SLC7A14: variants seen among roughly 807,000 people sequenced by gnomAD.
The protein encoded by SLC7A14 is gamma-aminobutyric acid transporter SLC7A14.
Under a neutral mutation model 60.2 loss-of-function variants are expected in SLC7A14, and 37 were observed. The observed-to-expected ratio is 0.61, with a 90% CI of 0.47 to 0.81. SLC7A14 has a LOEUF of 0.81. Ranked by LOEUF, SLC7A14 falls within the 30% of genes least tolerant of loss-of-function variation. The pLI, the probability that SLC7A14 is intolerant of heterozygous loss-of-function variation, is 0.00. For missense variants in SLC7A14, 886 were observed against 982.7 expected (o/e 0.90, Z 1.32); for synonymous variants, 399 against 395.8 (o/e 1.01, Z -0.10).
chr3:170,573,686 G>A (rs1423714723), intron 1 of SLC7A14, among the ~76,000 whole-genome samples: 4 of 152,306 alleles, frequency 2.6e-5, no homozygotes, highest in South Asian at 4.1e-4. Context: ...CACCACTAGC[G>A]AAACAGAGAG....
chr3:170,480,285 T>C lies in SLC7A14; in HGVS notation c.1993+4A>G. The C allele has an allele frequency of 6.6e-7, 1 of 1,521,296 alleles. No individual in the cohort carries two copies. Among genetic ancestry groups the C allele is most frequent in the South Asian group, 1.3e-5 (1 of 75,400 alleles). 94.2% of individuals were successfully genotyped at this position (1,521,296 alleles called of 1,614,324 possible). ...CTCTTAAGGCTCCAAAGGAAGTTGC[T>C]TACCCACAAAGCACCAGACCGCAAA... On this transcript the variant is annotated splice_donor_region_variant and intron_variant, in intron 7 of 7. Coordinates refer to ENST00000231706, the MANE Select transcript of SLC7A14 (RefSeq NM_020949.3).
chr3:170,523,208 A>C (rs1713389556), intron 2 of SLC7A14, among the ~76,000 whole-genome samples: 1 of 152,232 alleles, frequency 6.6e-6, no homozygotes, highest in African/African-American at 2.4e-5. Flanking sequence ...TGTTCAGAGA[A>C]ATTATGGAAC....
At chr3:170,505,882 T>C (rs1712765309) in intron 2 of SLC7A14, among the ~76,000 whole-genome samples, 1 of 150,958 alleles carries the variant, frequency 6.6e-6, no homozygotes, top group Non-Finnish European at 1.5e-5. Flanking sequence ...AGCAAGACTC[T>C]GTTTCAAAAA....
chr3:170,560,448 G>C (rs1317644305), intron 1 of SLC7A14, among the ~76,000 whole-genome samples: 3 of 152,164 alleles, frequency 2.0e-5, no homozygotes, highest in Non-Finnish European at 4.4e-5. Context: ...TTAGGAGCAA[G>C]CAACTCACAG....
intron 1 of SLC7A14, among the ~76,000 whole-genome samples, chr3:170,539,936 T>G (rs1260009493): frequency 1.3e-5 from 2 of 152,236 alleles, no homozygotes; most frequent in African/African-American, 4.8e-5. Context: ...TATTCTAGCA[T>G]CACTACTATT....
At chr3:170,503,417 T>C (rs1376905397) in intron 2 of SLC7A14, among the ~76,000 whole-genome samples, 1 of 152,166 alleles carries the variant, frequency 6.6e-6, no homozygotes, top group Non-Finnish European at 1.5e-5. Flanking sequence ...AAGAACCTGA[T>C]GATATTTTCT....
Position 170,470,336 on chromosome 3 carries a change from G to GTGTATGTGTGTGTGTC in SLC7A14, c.1994-2975_1994-2960dup, listed in dbSNP as rs1739858747. 3.3e-5 allele frequency among the ~76,000 whole-genome samples: 5 copies of GTGTATGTGTGTGTGTC among 151,244 alleles called. No individual in the cohort carries two copies. In the East Asian group the frequency reaches 9.7e-4, roughly 29 times the overall value. ...TGTGTGTGTGTGTGTGTGTGTGTGTGTGTATGTGTGTGTGTCTGTGTCTGC... is the reference window on the plus strand; with the variant it reads ...TGTGTGTGTGTGTGTGTGTGTGTGTGTGTATGTGTGTGTGTCTGTATGTGTGTGTGTCTGTGTCTGC... On this transcript the variant is annotated intron_variant, in intron 7 of 7. Transcript: ENST00000231706.
rs550682783 is a variant in SLC7A14, at chr3:170,528,069, C to A, written c.-152-981G>T. Among the ~76,000 whole-genome samples, 19 of 152,278 alleles carry A rather than the reference C, an allele frequency of 1.2e-4. No homozygotes were observed. The East Asian group carries it at 3.5e-3, about 28-fold the overall frequency. ...TCATGCTGCACCCTGGAACAGCCTGCCATCTGGAACTGGCACGTTTGCGGT... is the reference window on the plus strand; with the variant it reads ...TCATGCTGCACCCTGGAACAGCCTGACATCTGGAACTGGCACGTTTGCGGT... On this transcript the variant is annotated intron_variant, in intron 1 of 7. Coordinates refer to ENST00000231706, the MANE Select transcript of SLC7A14 (RefSeq NM_020949.3).
intron 4 of SLC7A14, among the ~76,000 whole-genome samples, chr3:170,497,843 C>T (rs1044285631): frequency 6.6e-6 from 1 of 152,238 alleles, no homozygotes; most frequent in African/African-American, 2.4e-5. Flanking sequence ...ATAAACCGCA[C>T]TAGCCAGATC....
intron 1 of SLC7A14, among the ~76,000 whole-genome samples, chr3:170,549,164 C>G (rs1225470300): frequency 6.6e-6 from 1 of 151,220 alleles, no homozygotes; most frequent in Non-Finnish European, 1.5e-5. Context: ...GAGAAAGTGA[C>G]TAGTTCAATA....
Position 170,486,287 on chromosome 3 carries a change from G to C in SLC7A14, c.841C>G (p.Pro281Ala). Reference protein sequence around the residue: ...IATTGEEAKNPNTSIPYAITA... With the variant: ...IATTGEEAKNANTSIPYAITA... The stretch of plus-strand genomic sequence containing the variant: ...ATAGCATAAGGGATGGACGTGTTGG[G>C]ATTCTTGGCTTCCTCTCCAGTGGTG... The change falls in exon 5 of 8, where the codon CCC becomes GCC. Residue 281 changes from proline to alanine, a missense_variant. Physicochemically the swap from Pro to Ala is conservative, Grantham distance 27. Transcript: ENST00000231706. 6.2e-7 allele frequency: 1 copy of C among 1,614,208 alleles called. No individual in the cohort carries two copies. The highest frequency in any genetic ancestry group is 8.5e-7 in the Non-Finnish European group (1 of 1,180,046).
At chr3:170,501,060 T>G in intron 3 of SLC7A14, 49 bp downstream of exon 3, 1 of 1,581,560 alleles carries the variant, frequency 6.3e-7, no homozygotes, top group Non-Finnish European at 8.7e-7. Flanking sequence ...CTCATTTATG[T>G]GGCTTGGTAA....
chr3:170,536,432 A>G (rs544431163), intron 1 of SLC7A14, among the ~76,000 whole-genome samples: 50 of 152,374 alleles, frequency 3.3e-4, no homozygotes, highest in African/African-American at 1.2e-3. Flanking sequence ...ATTAGCCAGA[A>G]AAGTTAATTA....
At chr3:170,546,911 G>A (rs1220713629) in intron 1 of SLC7A14, among the ~76,000 whole-genome samples, 1 of 152,128 alleles carries the variant, frequency 6.6e-6, no homozygotes, top group East Asian at 1.9e-4. Flanking sequence ...AGTCTCCAAG[G>A]GCTCACAGCC....
At chr3:170,559,891 G>T (rs1714595667) in intron 1 of SLC7A14, among the ~76,000 whole-genome samples, 1 of 152,212 alleles carries the variant, frequency 6.6e-6, no homozygotes, top group African/African-American at 2.4e-5. Flanking sequence ...GAGGAGGACT[G>T]GCTAGGCTTT....
At chr3:170,530,686 G>A (rs1480332771) in intron 1 of SLC7A14, among the ~76,000 whole-genome samples, 1 of 152,242 alleles carries the variant, frequency 6.6e-6, no homozygotes, top group Non-Finnish European at 1.5e-5. Context: ...CTTTAAGGCA[G>A]CCCGGGATGG....
chr3:170,489,566 G>A (rs1712147929), intron 4 of SLC7A14, among the ~76,000 whole-genome samples: 2 of 152,218 alleles, frequency 1.3e-5, no homozygotes, highest in South Asian at 2.1e-4. Context: ...GCTACCATAT[G>A]TTCCAGCAAT....
rs920252123 is a variant in SLC7A14 at position 170,461,319 on chromosome 3, A to C, written c.*5736T>G. 6 of 152,166 alleles carry C rather than the reference A, an allele frequency of 3.9e-5. No homozygotes were observed. Among genetic ancestry groups the C allele is most frequent in the Admixed American group, 2.6e-4 (4 of 15,280 alleles). The allele number at this position is 152,166 out of a possible 1,614,324, so 9.4% of individuals were successfully genotyped here. Reference sequence around the variant, plus strand: ...CACCCCTTGTGGGTTCTAAGTCCTAAAAAAAAGAACACTCTATTTTCTTAG... The same window carrying C: ...CACCCCTTGTGGGTTCTAAGTCCTACAAAAAAGAACACTCTATTTTCTTAG... On this transcript the variant is annotated 3_prime_UTR_variant, in exon 8 of 8. Transcript: ENST00000231706.
chr3:170,580,341 CAG>C (rs1715203035), intron 1 of SLC7A14, among the ~76,000 whole-genome samples: 1 of 152,230 alleles, frequency 6.6e-6, no homozygotes. Context: ...AAGCTACAGA[CAG>C]AGAAGAACTC....
Sources: gnomAD v4.1 joint callset for allele counts (sites outside exome capture counted in the v4.1 genomes callset) on GRCh38, gnomAD v4.1.1 for gene constraint, MANE v1.5 for transcripts, NCBI Gene and HGNC (gene_info 2026-07-23, HGNC 2026-07-21) for gene names.